Variants in NMRK2 observed in about 807,000 individuals in gnomAD.
NMRK2 encodes NRK 2.
A neutral mutation model predicts 24.7 loss-of-function variants in NMRK2; 34 were observed. The observed-to-expected ratio is 1.37, with a 90% confidence interval of 1.05 to 1.83. The LOEUF is 1.83. Ranked by LOEUF, NMRK2 falls within the 40% of genes most tolerant of loss-of-function variation. The pLI is 0.00. For missense variants in NMRK2, 341 were observed against 315.0 expected (o/e 1.08, Z -0.62); for synonymous variants, 145 against 125.6 (o/e 1.15, Z -1.03).
rs2039264404 is a variant in NMRK2, at chr19:3,938,703, A to G, written c.267A>G (p.Pro89=). ...GTGCCCACGGGGTCAGCGTCCAGCC[A>G]GAGGCCTCGGACACCCACATCCTCC... ...FARAHGVSVQ[P]EASDTHILLL... is the part of the protein sequence containing the mutation. Residue 89 remains proline, a synonymous_variant, in exon 5 of 8, where the codon CCA becomes CCG. Coordinates refer to ENST00000168977, the MANE Select transcript of NMRK2 (RefSeq NM_170678.3). 6.2e-7 allele frequency: 1 copy of G among 1,612,398 alleles called. No homozygotes were observed. The highest frequency in any genetic ancestry group is 1.3e-5 in the African/African-American group (1 of 74,870).
At chr19:3,935,070 G>T (rs1221729910) in intron 2 of NMRK2, among the ~76,000 whole-genome samples, 1 of 151,694 alleles carries the variant, frequency 6.6e-6, no homozygotes, top group East Asian at 1.9e-4. Context: ...TTATAATACA[G>T]ATGGGAGTCT....
In NMRK2 at chr19:3,933,645, T is replaced by C; in HGVS notation, c.-27T>C. On this transcript the variant is annotated 5_prime_UTR_variant, in exon 2 of 8. Coordinates refer to ENST00000168977, the MANE Select transcript of NMRK2 (RefSeq NM_170678.3). ...CACCCTACCCGGGCTGCCTTGGAAG[T>C]CGTCCCCGCCGCCCCTCCGCACCGG... 6.6e-7 allele frequency: 1 copy of C among 1,517,232 alleles called. No homozygotes were observed. The highest frequency in any genetic ancestry group is 1.2e-5 in the South Asian group (1 of 82,874). 94.0% of individuals were successfully genotyped at this position (1,517,232 alleles called of 1,614,324 possible).
chr19:3,939,374 T>C (rs1455943064), intron 5 of NMRK2, among the ~76,000 whole-genome samples: 1 of 151,268 alleles, frequency 6.6e-6, no homozygotes, highest in Non-Finnish European at 1.5e-5. Flanking sequence ...ATTAGCCAGG[T>C]GTGGTGGCGT....
In NMRK2 at chr19:3,936,621, G is replaced by A. The variant is rs1298456954; in HGVS notation, c.73G>A (p.Ala25Thr). 2 of 1,575,142 alleles carry A rather than the reference G, an allele frequency of 1.3e-6. No individual in the cohort carries two copies. The highest frequency in any genetic ancestry group is 1.7e-6 in the Non-Finnish European group (2 of 1,160,860). The change falls in exon 3 of 8, where the codon GCC (alanine) becomes ACC (threonine). Residue 25 changes from alanine (A) to threonine (T), a missense_variant. Physicochemically the swap from Ala to Thr is moderately conservative, Grantham distance 58 (BLOSUM62 0). Transcript: ENST00000168977. Reference protein sequence around the residue: ...KTTLTNSLLRALPNCCVIHQD... With the variant: ...KTTLTNSLLRTLPNCCVIHQD... ...CACGCTGACCAACAGCCTGCTCAGA[G>A]CCCTGCCCAACTGCTGCGTGATCCA...
chr19:3,933,667 C>T lies in NMRK2; in HGVS notation c.-5C>T. The T allele has an allele frequency of 6.6e-7, 1 of 1,516,912 alleles. No individual in the cohort carries two copies. Among genetic ancestry groups the T allele is most frequent in the Non-Finnish European group, 8.8e-7 (1 of 1,134,386 alleles). 94.0% of individuals were successfully genotyped at this position (1,516,912 alleles called of 1,614,324 possible). ...AAGTCGTCCCCGCCGCCCCTCCGCA[C>T]CGGCATGAAGCTCATCGTGGGCATC... On this transcript the variant is annotated 5_prime_UTR_variant, in exon 2 of 8. Coordinates refer to ENST00000168977, the MANE Select transcript of NMRK2 (RefSeq NM_170678.3).
At chr19:3,936,949 C>T (rs1242625421) in intron 3 of NMRK2, among the ~76,000 whole-genome samples, 8 of 152,192 alleles carry the variant, frequency 5.3e-5, no homozygotes, top group Admixed American at 5.2e-4. Flanking sequence ...CACCATTCCT[C>T]CACAGGGCCA....
At position 3,937,160 on chromosome 19, in the gene NMRK2, C is replaced by T. The variant is rs545044046; in HGVS notation, c.118-80C>T. On this transcript the variant is annotated intron_variant, in intron 3 of 7. Coordinates refer to ENST00000168977, the MANE Select transcript of NMRK2 (RefSeq NM_170678.3). ...GGACCTCAGCAGCTCCAGCAAGGGACCCCCTAAGACTCCATCACCCAGGCC... is the reference window on the plus strand; with the variant it reads ...GGACCTCAGCAGCTCCAGCAAGGGATCCCCTAAGACTCCATCACCCAGGCC... The T allele has an allele frequency of 8.4e-6, 12 of 1,420,196 alleles. No homozygotes were observed. The African/African-American group carries it at 1.7e-4, about 20-fold the overall frequency. The allele number at this position is 1,420,196 out of a possible 1,614,324, so 88.0% of individuals were successfully genotyped here.
At chr19:3,936,167 C>A (rs548983455) in intron 2 of NMRK2, among the ~76,000 whole-genome samples, 1 of 150,210 alleles carries the variant, frequency 6.7e-6, no homozygotes, top group Non-Finnish European at 1.5e-5. Flanking sequence ...GCCAAGATTG[C>A]GCCATTGTAC....
intron 2 of NMRK2, among the ~76,000 whole-genome samples, 167 bp downstream of exon 2, chr19:3,933,864 C>A (rs1283569454): frequency 1.1e-4 from 17 of 151,928 alleles, no homozygotes; most frequent in Admixed American, 1.0e-3. Context: ...GTCTCGGTGT[C>A]CCCAGTGGGA....
chr19:3,935,479 C>T (rs1371761396), intron 2 of NMRK2, among the ~76,000 whole-genome samples: 1 of 152,000 alleles, frequency 6.6e-6, no homozygotes, highest in Non-Finnish European at 1.5e-5. Flanking sequence ...TGATCGCAAA[C>T]TCCTGACCTC....
intron 6 of NMRK2, among the ~76,000 whole-genome samples, chr19:3,940,510 C>T (rs1409952520): frequency 2.0e-5 from 3 of 148,706 alleles, no homozygotes; most frequent in South Asian, 2.2e-4. Flanking sequence ...CCGAGATGGG[C>T]GGATCACCTG....
chr19:3,935,535 C>T (rs573107707), intron 2 of NMRK2, among the ~76,000 whole-genome samples: 10 of 152,022 alleles, frequency 6.6e-5, no homozygotes, highest in East Asian at 5.8e-4. Context: ...AGATTACAGG[C>T]ATGACCCACC....
At chr19:3,937,104 C>G in intron 3 of NMRK2, 136 bp from the exon 4 acceptor site, 1 of 772,414 alleles carries the variant, frequency 1.3e-6, no homozygotes, top group Non-Finnish European at 2.2e-6. Context: ...TGGGGAAAAT[C>G]TGAGGGTCAG....
Position 3,936,636 on chromosome 19 carries a change from T to C in NMRK2, c.88T>C (p.Cys30Arg). Reference protein sequence around the residue: ...NSLLRALPNCCVIHQDDFFKP... With the variant: ...NSLLRALPNCRVIHQDDFFKP... ...CCTGCTCAGAGCCCTGCCCAACTGC[T>C]GCGTGATCCATCAGGATGACTTCTT... Residue 30 changes from cysteine to arginine, a missense_variant, in exon 3 of 8, where the codon TGC becomes CGC. Coordinates refer to ENST00000168977, the MANE Select transcript of NMRK2 (RefSeq NM_170678.3). 3.8e-6 allele frequency: 6 copies of C among 1,573,186 alleles called. No homozygotes were observed. In the South Asian group the frequency reaches 4.7e-5, roughly 12 times the overall value.
In NMRK2 at chr19:3,935,903, A is replaced by G. The variant is rs1051293885; in HGVS notation, c.27-672A>G. On this transcript the variant is annotated intron_variant, in intron 2 of 7. Transcript: ENST00000168977. ...TTTTATTTTTTTAAGCCCTGCTGAG[A>G]CTAAATCAATTTCCTTATCTGTAAA... 6.6e-5 allele frequency among the ~76,000 whole-genome samples: 10 copies of G among 151,788 alleles called. No individual in the cohort carries two copies. In the East Asian group the frequency reaches 2.0e-3, roughly 30 times the overall value.
Position 3,942,345 on chromosome 19 carries a change from A to T in NMRK2, c.*72A>T. The T allele has an allele frequency of 7.0e-7, 1 of 1,427,738 alleles. No individual in the cohort carries two copies. The highest frequency in any genetic ancestry group is 9.5e-7 in the Non-Finnish European group (1 of 1,055,440). 88.4% of individuals were successfully genotyped at this position (1,427,738 alleles called of 1,614,324 possible). On this transcript the variant is annotated 3_prime_UTR_variant, in exon 8 of 8. Coordinates refer to ENST00000168977, the MANE Select transcript of NMRK2 (RefSeq NM_170678.3). ...CTCCCAGTTGGGCGTCCCGGAGCTC[A>T]GGGACTGAGCCCCAAGACGCCTCTG...
chr19:3,938,849 GTTTT>G (rs59201914), intron 5 of NMRK2, 90 bp downstream of exon 5: 183 of 228,052 alleles, frequency 8.0e-4, no homozygotes, highest in East Asian at 2.3e-3. Context: ...TTTTTGTTTT[GTTTT>G]TTTTTTTTTT....
At chr19:3,941,706 G>C (rs998116460) in intron 7 of NMRK2, among the ~76,000 whole-genome samples, 1 of 151,504 alleles carries the variant, frequency 6.6e-6, no homozygotes, top group Non-Finnish European at 1.5e-5. Flanking sequence ...GCAGTGGCGC[G>C]ATCTTGGCTC....
At position 3,938,705 on chromosome 19, in the gene NMRK2, A is replaced by G. The variant is rs972397880; in HGVS notation, c.269A>G (p.Glu90Gly). The G allele has an allele frequency of 6.2e-7, 1 of 1,612,350 alleles. No homozygotes were observed. Among genetic ancestry groups the G allele is most frequent in the African/African-American group, 1.3e-5 (1 of 74,960 alleles). ...ARAHGVSVQP[E>G]ASDTHILLLE... ...GCCCACGGGGTCAGCGTCCAGCCAG[A>G]GGCCTCGGACACCCACATCCTCCTC... Residue 90 changes from glutamate (E) to glycine (G), a missense_variant, in exon 5 of 8, where the codon GAG (glutamate) becomes GGG (glycine). Coordinates refer to ENST00000168977, the MANE Select transcript of NMRK2 (RefSeq NM_170678.3).
Sources: gnomAD v4.1 joint callset for allele counts (sites outside exome capture counted in the v4.1 genomes callset) on GRCh38, gnomAD v4.1.1 for gene constraint, MANE v1.5 for transcripts, NCBI Gene and HGNC (gene_info 2026-07-23, HGNC 2026-07-21) for gene names.